ARHGEF9: variants seen among roughly 807,000 people sequenced by gnomAD.
The protein encoded by ARHGEF9 is rho guanine nucleotide exchange factor 9.
A neutral mutation model predicts 41.3 loss-of-function variants in ARHGEF9; 2 were observed. The ratio of observed to expected loss-of-function variants is 0.05; its 90% CI spans 0.02 to 0.15. The LOEUF is 0.15. Ranked by LOEUF, ARHGEF9 falls within the 10% of genes least tolerant of loss-of-function variation. ARHGEF9 has a pLI of 1.00. For missense variants in ARHGEF9, 225 were observed against 424.7 expected (o/e 0.53, Z 4.13); for synonymous variants, 160 against 154.4 (o/e 1.04, Z -0.27).
intron 1 of ARHGEF9, 76 bp downstream of exon 1, chrX:63,785,040 C>G: frequency 8.9e-7 from 1 of 1,128,794 alleles, no homozygotes; most frequent in South Asian, 2.0e-5. Context: ...TGCCTTGTGG[C>G]TCGTTGGAGG....
At chrX:63,646,234 T>C (rs1273721181) in intron 8 of ARHGEF9, among the ~76,000 whole-genome samples, 1 of 112,071 alleles carries the variant, frequency 8.9e-6, no homozygotes, top group East Asian at 2.8e-4. Flanking sequence ...TTTAGTTTCA[T>C]TAGATCTCAT....
chrX:63,720,723 G>T (rs1386139770), intron 2 of ARHGEF9, among the ~76,000 whole-genome samples: 1 of 112,204 alleles, frequency 8.9e-6, no homozygotes, highest in Non-Finnish European at 1.9e-5. Context: ...ATACAACGTG[G>T]AGGTAGGGTG....
At chrX:63,731,875 T>A (rs1235949168) in intron 1 of ARHGEF9, 1 of 111,496 alleles carries the variant, frequency 9.0e-6, no homozygotes, top group Admixed American at 9.5e-5. Flanking sequence ...TCAGTTTTTT[T>A]ACATGTCAAG....
intron 2 of ARHGEF9, among the ~76,000 whole-genome samples, chrX:63,723,366 C>T (rs1393923956): frequency 9.0e-6 from 1 of 111,357 alleles, no homozygotes; most frequent in Non-Finnish European, 1.9e-5. Context: ...ATGCCCTGTT[C>T]CTTTCTTTAT....
chrX:63,692,648 T>C (rs1569473388), intron 4 of ARHGEF9, among the ~76,000 whole-genome samples: 1 of 112,170 alleles, frequency 8.9e-6, no homozygotes, highest in Non-Finnish European at 1.9e-5. Flanking sequence ...GAAAATGGTA[T>C]GGAAAACTAA....
chrX:63,681,726 A>G (rs781933115), intron 4 of ARHGEF9, among the ~76,000 whole-genome samples: 60 of 111,632 alleles, frequency 5.4e-4, no homozygotes, highest in Non-Finnish European at 1.1e-3. Context: ...AAAAAATAAA[A>G]GATCAAAGCA....
intron 1 of ARHGEF9, among the ~76,000 whole-genome samples, chrX:63,780,375 C>T (rs2056361080): frequency 1.8e-5 from 2 of 111,225 alleles, no homozygotes; most frequent in Non-Finnish European, 1.9e-5. Flanking sequence ...ATATATGACT[C>T]TTACACAGGT....
At position 63,765,700 on chromosome X, in the gene ARHGEF9, G is replaced by A. The variant is rs1213728372; in HGVS notation, c.30+19416C>T. ...ATTAACAGCCAGAAGACCCAGTTCC[G>A]GGAAAAGTGTTTTAGAATCTGTACA... is the stretch of plus-strand genomic sequence containing the variant. On this transcript the variant is annotated intron_variant, in intron 1 of 9. Transcript: ENST00000671741. Among the ~76,000 whole-genome samples, 3 of 111,515 alleles carry A rather than the reference G, an allele frequency of 2.7e-5. No homozygotes were observed. In the Admixed American group the frequency reaches 2.8e-4, roughly 11 times the overall value.
intron 1 of ARHGEF9, among the ~76,000 whole-genome samples, chrX:63,769,597 G>A (rs1391431300): frequency 7.2e-5 from 8 of 111,861 alleles, no homozygotes; most frequent in Non-Finnish European, 1.3e-4. Context: ...TAGACATAGA[G>A]GTTTAGGAGG....
intron 8 of ARHGEF9, among the ~76,000 whole-genome samples, chrX:63,652,657 C>T (rs1556330693): frequency 9.0e-6 from 1 of 110,838 alleles, no homozygotes; most frequent in Non-Finnish European, 1.9e-5. Flanking sequence ...ATTGATGTGC[C>T]CATTCGACTA....
chrX:63,715,476 T>C (rs1569486261), intron 2 of ARHGEF9, among the ~76,000 whole-genome samples: 6 of 111,505 alleles, frequency 5.4e-5, no homozygotes, highest in Admixed American at 3.8e-4. Flanking sequence ...GATGGTGATG[T>C]GGCAAACACT....
intron 6 of ARHGEF9, among the ~76,000 whole-genome samples, chrX:63,672,927 C>T (rs1556357332): frequency 8.9e-6 from 1 of 112,024 alleles, no homozygotes; most frequent in Non-Finnish European, 1.9e-5. Context: ...CTGGCTTCTG[C>T]TTAAGAGAAT....
intron 1 of ARHGEF9, among the ~76,000 whole-genome samples, chrX:63,769,660 G>A (rs2056171513): frequency 9.0e-6 from 1 of 111,479 alleles, no homozygotes; most frequent in Admixed American, 9.5e-5. Flanking sequence ...ATTCAATCTA[G>A]GGACTTGGTG....
chrX:63,658,352 G>A (rs1445115436), intron 7 of ARHGEF9, among the ~76,000 whole-genome samples: 2 of 111,872 alleles, frequency 1.8e-5, no homozygotes, highest in Non-Finnish European at 3.8e-5. Flanking sequence ...ACTAGTTGAG[G>A]AACTCCAATC....
chrX:63,765,053 C>T lies in ARHGEF9; in HGVS notation c.30+20063G>A, dbSNP rs1215884882. Among the ~76,000 whole-genome samples, 3 of 111,586 alleles carry T rather than the reference C, an allele frequency of 2.7e-5. No individual in the cohort carries two copies. The Admixed American group carries it at 2.9e-4, about 11-fold the overall frequency. On this transcript the variant is annotated intron_variant, in intron 1 of 9. Transcript: ENST00000671741. The stretch of plus-strand genomic sequence containing the variant: ...ATGAAGATCTCACCTATTCAAGGCT[C>T]CCCCTTCCCACCCCCAGCATTCCAA...
intron 3 of ARHGEF9, among the ~76,000 whole-genome samples, chrX:63,704,345 G>A (rs1383222876): frequency 1.8e-5 from 2 of 112,353 alleles, no homozygotes; most frequent in Non-Finnish European, 3.8e-5. Flanking sequence ...TGGAGCCAAA[G>A]ATTTTGCATT....
At position 63,773,705 on chromosome X, in the gene ARHGEF9, AG is replaced by A. The variant is rs1378275843; in HGVS notation, c.30+11410del. Among the ~76,000 whole-genome samples, 11 of 112,037 alleles carry A rather than the reference AG, an allele frequency of 9.8e-5. No homozygotes were observed. In the Admixed American group the frequency reaches 1.0e-3, roughly 11 times the overall value. On this transcript the variant is annotated intron_variant, in intron 1 of 9. Coordinates refer to ENST00000671741, the MANE Select transcript of ARHGEF9 (RefSeq NM_001353921.2). ...AATTAGCATTTGAATCAGTAGACAA[AG>A]TAAAGAAGATTGCCCTCCACAATGT...
chrX:63,778,281 T>A (rs1230672826), intron 1 of ARHGEF9, among the ~76,000 whole-genome samples: 7 of 112,323 alleles, frequency 6.2e-5, no homozygotes, highest in African/African-American at 2.3e-4. Flanking sequence ...TGGCTTGAGC[T>A]CTACGTTGGC....
At chrX:63,755,849 T>C (rs2055912840) in intron 1 of ARHGEF9, 4 of 752,706 alleles carry the variant, frequency 5.3e-6, no homozygotes, top group Non-Finnish European at 6.3e-6. Context: ...CAGATTTCCT[T>C]TCTTGATTAT....
Sources: gnomAD v4.1 joint callset for allele counts (sites outside exome capture counted in the v4.1 genomes callset) on GRCh38, gnomAD v4.1.1 for gene constraint, MANE v1.5 for transcripts, NCBI Gene and HGNC (gene_info 2026-07-23, HGNC 2026-07-21) for gene names.